The following ULK4 variants were observed in gnomAD, a reference collection of about 807,000 sequenced individuals.
ULK4 encodes unc-51 like kinase 4, also known as inactive serine/threonine-protein kinase ULK4.
In ULK4, 133 loss-of-function variants were observed where a neutral mutation model predicts 160.6. The observed-to-expected ratio is 0.83, with a 90% CI of 0.72 to 0.96. The LOEUF (loss-of-function observed/expected upper bound fraction) is 0.96, where lower values mean the gene tolerates loss of function less well. Ranked by LOEUF, ULK4 falls within the 40% of genes least tolerant of loss-of-function variation. The probability of loss-of-function intolerance (pLI) is 0.00; values close to 1 mark genes in which losing one functional copy is unlikely to be tolerated. For synonymous variants in ULK4, 534 were observed against 539.8 expected (o/e 0.99, Z 0.15); for missense variants, 1,580 against 1,499.5 (o/e 1.05, Z -0.89).
At position 41,398,279 on chromosome 3, in the gene ULK4, A is replaced by G. The variant is rs757568336; in HGVS notation, c.3493-15T>C. 6.2e-7 allele frequency: 1 copy of G among 1,607,124 alleles called. No individual in the cohort carries two copies. Among genetic ancestry groups the G allele is most frequent in the South Asian group, 1.1e-5 (1 of 89,630 alleles). ...TCATTAGGAAGCTGAAAATTAACAA[A>G]TAAGACTATTTAAATTTCCTTGAAG... On this transcript the variant is annotated splice_polypyrimidine_tract_variant and intron_variant, in intron 34 of 36. Coordinates refer to ENST00000301831, the MANE Select transcript of ULK4 (RefSeq NM_017886.4).
intron 27 of ULK4, among the ~76,000 whole-genome samples, chr3:41,694,015 T>A (rs1348409485): frequency 6.6e-6 from 1 of 152,186 alleles, no homozygotes. Context: ...AGGCAAAGAA[T>A]TCTGCAAACA....
chr3:41,845,744 T>C (rs2042055596), intron 17 of ULK4, among the ~76,000 whole-genome samples: 1 of 152,190 alleles, frequency 6.6e-6, no homozygotes, highest in African/African-American at 2.4e-5. Flanking sequence ...TCTATATTAT[T>C]TGTAATATAG....
intron 35 of ULK4, among the ~76,000 whole-genome samples, chr3:41,286,183 ATAT>A (rs2079452793): frequency 6.6e-6 from 1 of 152,112 alleles, no homozygotes; most frequent in South Asian, 2.1e-4. Flanking sequence ...ATTTCCTTTA[ATAT>A]TATTATGGTG....
intron 34 of ULK4, among the ~76,000 whole-genome samples, chr3:41,448,884 T>G (rs1417106540): frequency 1.3e-5 from 2 of 152,034 alleles, no homozygotes; most frequent in Non-Finnish European, 2.9e-5. Context: ...ACAGTTTTAT[T>G]TTTATTATTT....
intron 29 of ULK4, among the ~76,000 whole-genome samples, chr3:41,668,563 T>A (rs1045974596): frequency 2.0e-5 from 3 of 152,156 alleles, no homozygotes; most frequent in Non-Finnish European, 1.5e-5. Context: ...CCACCTAGGT[T>A]TGTATAAGGT....
intron 35 of ULK4, among the ~76,000 whole-genome samples, chr3:41,291,515 G>C (rs2079565902): frequency 6.6e-6 from 1 of 151,620 alleles, no homozygotes; most frequent in Non-Finnish European, 1.5e-5. Context: ...AGAAAGGAAA[G>C]AGGGAGGGAA....
At chr3:41,898,224 C>A (rs1284386041) in intron 14 of ULK4, among the ~76,000 whole-genome samples, 2 of 152,208 alleles carry the variant, frequency 1.3e-5, no homozygotes, top group Non-Finnish European at 2.9e-5. Context: ...TAGGACTGGG[C>A]AGCCCAGACT....
At chr3:41,534,597 T>G (rs1169400206) in intron 32 of ULK4, among the ~76,000 whole-genome samples, 1 of 152,050 alleles carries the variant, frequency 6.6e-6, no homozygotes, top group African/African-American at 2.4e-5. Flanking sequence ...TTTCTGTAGT[T>G]TGTGGCATGT....
rs1247570447 is a variant in ULK4 at position 41,960,062 on chromosome 3, G to A, written c.-49+1954C>T. 4.7e-5 allele frequency among the ~76,000 whole-genome samples: 7 copies of A among 150,526 alleles called. No individual in the cohort carries two copies. The East Asian group carries it at 1.2e-3, about 25-fold the overall frequency. On this transcript the variant is annotated intron_variant, in intron 1 of 36. Transcript: ENST00000301831. ...AATCTTGATTTTTTTTTTTTTTAAAGGAGGCTAGGTCTTGAACCCCTGGGC... is the reference window on the plus strand; with the variant it reads ...AATCTTGATTTTTTTTTTTTTTAAAAGAGGCTAGGTCTTGAACCCCTGGGC...
Position 41,321,062 on chromosome 3 carries a change from T to C in ULK4, c.3679-71488A>G, listed in dbSNP as rs1294218902. Among the ~76,000 whole-genome samples the C allele has an allele frequency of 2.0e-5, 3 of 152,192 alleles. No homozygotes were observed. In the East Asian group the frequency reaches 5.8e-4, roughly 29 times the overall value. On this transcript the variant is annotated intron_variant, in intron 35 of 36. Transcript: ENST00000301831. ...GTCCATGGATCTTAATTGCCAGGCCTCTCTGGTTCTTACTTTTTCCCTTTA... is the reference window on the plus strand; with the variant it reads ...GTCCATGGATCTTAATTGCCAGGCCCCTCTGGTTCTTACTTTTTCCCTTTA...
intron 32 of ULK4, among the ~76,000 whole-genome samples, chr3:41,496,366 G>A (rs1051241294): frequency 6.6e-6 from 1 of 151,990 alleles, no homozygotes; most frequent in Non-Finnish European, 1.5e-5. Context: ...TTTTTCAAAT[G>A]TCAGACAAAA....
At chr3:41,616,857 C>T (rs559133907) in intron 30 of ULK4, among the ~76,000 whole-genome samples, 2 of 152,180 alleles carry the variant, frequency 1.3e-5, no homozygotes, top group Non-Finnish European at 2.9e-5. Context: ...CCCACTCCCA[C>T]GGAGCCCAGC....
chr3:41,565,911 T>G lies in ULK4; in HGVS notation c.3226+114A>C, dbSNP rs548744085. The G allele has an allele frequency of 8.7e-6, 6 of 690,506 alleles. No homozygotes were observed. In the East Asian group the frequency reaches 1.5e-4, roughly 17 times the overall value. The allele number at this position is 690,506 out of a possible 1,614,324, so 42.8% of individuals were successfully genotyped here. ...TTTGCTAGTAATATTACTTGAAAAT[T>G]CTTATCTATTTTGACTCATCAACTT... On this transcript the variant is annotated intron_variant, in intron 32 of 36. Coordinates refer to ENST00000301831, the MANE Select transcript of ULK4 (RefSeq NM_017886.4).
chr3:41,808,155 T>C (rs2040708035), intron 19 of ULK4, among the ~76,000 whole-genome samples: 1 of 152,174 alleles, frequency 6.6e-6, no homozygotes, highest in African/African-American at 2.4e-5. Context: ...TCCTCTATCC[T>C]AGTTCTTACT....
At chr3:41,885,687 G>GTT (rs765674796) in intron 16 of ULK4, among the ~76,000 whole-genome samples, 3 of 145,662 alleles carry the variant, frequency 2.1e-5, no homozygotes, top group South Asian at 2.2e-4. Context: ...TTTTTAAAAA[G>GTT]TTTTTTTTTT....
intron 17 of ULK4, among the ~76,000 whole-genome samples, chr3:41,859,784 A>G (rs2042454209): frequency 6.7e-6 from 1 of 149,910 alleles, no homozygotes; most frequent in African/African-American, 2.5e-5. Flanking sequence ...TGGCCTCCCC[A>G]GTAGCTAGGA....
intron 2 of ULK4, among the ~76,000 whole-genome samples, chr3:41,953,565 A>G (rs970174888): frequency 6.6e-6 from 1 of 151,698 alleles, no homozygotes; most frequent in African/African-American, 2.4e-5. Context: ...CACCACACCC[A>G]GCTTAAAAAT....
rs576909686 is a variant in ULK4 at position 41,681,873 on chromosome 3, T to C, written c.2782-69A>G. Reference sequence around the variant, plus strand: ...AAACTGATATCAACCACTATCTATATTTTTTCCACAGACAGAATCCCTAAT... The same window carrying C: ...AAACTGATATCAACCACTATCTATACTTTTTCCACAGACAGAATCCCTAAT... On this transcript the variant is annotated intron_variant, in intron 27 of 36. Transcript: ENST00000301831. The C allele has an allele frequency of 1.5e-4, 230 of 1,553,004 alleles. 3 individuals are homozygous for C. The African/African-American group carries it at 2.7e-3, about 18-fold the overall frequency.
rs532951223 is a variant in ULK4 at position 41,683,354 on chromosome 3, T to C, written c.2782-1550A>G. ...ATTGCATTGAGAGCCCAAGAACTCA[T>C]GGTCAGTAACATATTCATTCAGGGC... On this transcript the variant is annotated intron_variant, in intron 27 of 36. Coordinates refer to ENST00000301831, the MANE Select transcript of ULK4 (RefSeq NM_017886.4). Among the ~76,000 whole-genome samples, 9 of 152,078 alleles carry C rather than the reference T, an allele frequency of 5.9e-5. No individual in the cohort carries two copies. In the East Asian group the frequency reaches 1.2e-3, roughly 20 times the overall value.
Sources: allele counts gnomAD v4.1 joint callset (sites outside exome capture counted in the v4.1 genomes callset), GRCh38; gene constraint gnomAD v4.1.1; transcripts MANE v1.5; gene names NCBI Gene and HGNC (gene_info 2026-07-23, HGNC 2026-07-21).